The following ZNF326 variants were observed in gnomAD, a reference collection of about 807,000 sequenced individuals.
ZNF326 encodes the protein DBIRD complex subunit ZNF326.
Under a neutral mutation model 63.1 loss-of-function variants are expected in ZNF326, and 30 were observed. That is an observed-to-expected ratio of 0.48 (90% confidence interval 0.36 to 0.64). The LOEUF (loss-of-function observed/expected upper bound fraction) is 0.64. ZNF326 is among the 30% of genes least tolerant of loss of function. The pLI is 0.00. For missense variants in ZNF326, 609 were observed against 720.3 expected (o/e 0.85, Z 1.77); for synonymous variants, 194 against 228.2 (o/e 0.85, Z 1.35).
At chr1:90,020,028 A>G (rs1029609431) in intron 9 of ZNF326, among the ~76,000 whole-genome samples, 2 of 151,994 alleles carry the variant, frequency 1.3e-5, no homozygotes, top group Non-Finnish European at 2.9e-5. Context: ...CTGTTTCTTT[A>G]CCTCTCCTTT....
intron 11 of ZNF326, among the ~76,000 whole-genome samples, chr1:90,022,743 AGCAACAG>A (rs1241175538): frequency 6.6e-6 from 1 of 152,224 alleles, no homozygotes; most frequent in Non-Finnish European, 1.5e-5. Flanking sequence ...CCAGATGGAC[AGCAACAG>A]GCTTCTCCTA....
At chr1:90,006,133 A>G (rs1238087627) in intron 4 of ZNF326, 2 of 985,312 alleles carry the variant, frequency 2.0e-6, no homozygotes, top group African/African-American at 3.5e-5. Flanking sequence ...TTCTGCTTCC[A>G]GTGTACCACT....
At chr1:90,001,215 C>CA in intron 2 of ZNF326, among the ~76,000 whole-genome samples, 1 of 152,234 alleles carries the variant, frequency 6.6e-6, no homozygotes, top group Non-Finnish European at 1.5e-5. Context: ...CCAGGGGGTG[C>CA]AAAATCTCCC....
At chr1:90,024,986 T>G (rs1004629903) in intron 11 of ZNF326, among the ~76,000 whole-genome samples, 4 of 150,954 alleles carry the variant, frequency 2.6e-5, no homozygotes, top group African/African-American at 9.7e-5. Flanking sequence ...TCCTGTTTTT[T>G]TTTTTTTTTT....
intron 4 of ZNF326, chr1:90,005,638 A>G (rs1229012417): frequency 5.2e-6 from 5 of 962,220 alleles, no homozygotes; most frequent in Middle Eastern, 5.3e-4. Context: ...GTGGGGTGCT[A>G]TGTAAATTAG....
rs749491423 is a variant in ZNF326 at position 90,020,949 on chromosome 1, G to A, written c.1305+27G>A. 1.1e-4 allele frequency: 173 copies of A among 1,605,148 alleles called. 1 individual carries two copies. Among genetic ancestry groups the A allele is most frequent in the Middle Eastern group, 5.3e-4 (3 of 5,704 alleles). On this transcript the variant is annotated intron_variant, in intron 10 of 11. Coordinates refer to ENST00000340281, the MANE Select transcript of ZNF326 (RefSeq NM_182976.4). ...TAAAATTTTCATCTGTCTTAATAAA[G>A]TTGCCAGATTATCCATCAATCTTTT...
At position 90,034,868 on chromosome 1, in the gene ZNF326, G is replaced by GAAAAACAA. The variant is rs1650421600; in HGVS notation, c.*7167_*7168insAAAAACAA. ...AATGTAATTTGTTGAAACTGGTCAT[G>GAAAAACAA]TTGAAAAAACATGACCAATTAAATA... On this transcript the variant is annotated 3_prime_UTR_variant, in exon 12 of 12. Coordinates refer to ENST00000340281, the MANE Select transcript of ZNF326 (RefSeq NM_182976.4). 1.3e-5 allele frequency: 2 copies of GAAAAACAA among 152,092 alleles called. No homozygotes were observed. Among genetic ancestry groups the GAAAAACAA allele is most frequent in the African/African-American group, 4.8e-5 (2 of 41,422 alleles). 9.4% of individuals were successfully genotyped at this position (152,092 alleles called of 1,614,324 possible).
chr1:90,011,699 G>C (rs1649254997), intron 6 of ZNF326, among the ~76,000 whole-genome samples: 1 of 152,098 alleles, frequency 6.6e-6, no homozygotes, highest in Non-Finnish European at 1.5e-5. Flanking sequence ...ATGTAAAGCA[G>C]TGAAGCCACT....
Position 90,026,153 on chromosome 1 carries a change from C to T in ZNF326, c.1402-1201C>T, listed in dbSNP as rs141781172. Among the ~76,000 whole-genome samples the T allele has an allele frequency of 4.2e-3, 641 of 152,042 alleles. 4 individuals are homozygous for T. Among genetic ancestry groups the T allele is most frequent in the African/African-American group, 0.015 (611 of 41,466 alleles). On this transcript the variant is annotated intron_variant, in intron 11 of 11. Transcript: ENST00000340281. The stretch of plus-strand genomic sequence containing the variant: ...TAATATTTTGTATGTTTAGTGGAGT[C>T]GGGGTTTCACCGTGTTAGCCAGGAT...
rs373721575 is a variant in ZNF326, at chr1:90,010,079, A to C, written c.616-9A>C. ...TATGCTAATATTTATTGATTTCACA[A>C]ATTTACAGCATATGGGTGATTTTGG... On this transcript the variant is annotated splice_polypyrimidine_tract_variant and intron_variant, in intron 5 of 11. Transcript: ENST00000340281. 2 of 1,611,474 alleles carry C rather than the reference A, an allele frequency of 1.2e-6. No homozygotes were observed. The highest frequency in any genetic ancestry group is 2.7e-5 in the African/African-American group (2 of 74,858).
intron 10 of ZNF326, 88 bp from the exon 11 acceptor site, chr1:90,022,162 G>T: frequency 1.1e-6 from 1 of 918,132 alleles, no homozygotes; most frequent in Non-Finnish European, 1.7e-6. Context: ...TAAATCTAAG[G>T]GTTTGAGCAT....
rs1006164058 is a variant in ZNF326 at position 90,028,670 on chromosome 1, A to G, written c.*969A>G. ...TAAAAAATTCCTTTTTATGGCTTAT[A>G]TACCTACATATTTAAAAAGAGAACA... is the stretch of plus-strand genomic sequence containing the variant. On this transcript the variant is annotated 3_prime_UTR_variant, in exon 12 of 12. Coordinates refer to ENST00000340281, the MANE Select transcript of ZNF326 (RefSeq NM_182976.4). 3 of 152,298 alleles carry G rather than the reference A, an allele frequency of 2.0e-5. No individual in the cohort carries two copies. Among genetic ancestry groups the G allele is most frequent in the Non-Finnish European group, 2.9e-5 (2 of 68,028 alleles). The allele number at this position is 152,298 out of a possible 1,614,324, so 9.4% of individuals were successfully genotyped here. A position where few individuals can be genotyped will look rare whatever the true frequency, so the allele number is the denominator to read the frequency against.
chr1:90,017,513 T>G lies in ZNF326; in HGVS notation c.1074+49T>G, dbSNP rs1279339090. 6 of 1,511,748 alleles carry G rather than the reference T, an allele frequency of 4.0e-6. No individual in the cohort carries two copies. In the African/African-American group the frequency reaches 8.7e-5, roughly 22 times the overall value. 93.6% of individuals were successfully genotyped at this position (1,511,748 alleles called of 1,614,324 possible). A position where few individuals can be genotyped will look rare whatever the true frequency, so the allele number is the denominator to read the frequency against. ...GAAGCATTTTATTGATATGAATTTC[T>G]TATGATTTCATTTTTCACTCTCCCC... is the stretch of plus-strand genomic sequence containing the variant. On this transcript the variant is annotated intron_variant, in intron 8 of 11. Coordinates refer to ENST00000340281, the MANE Select transcript of ZNF326 (RefSeq NM_182976.4).
intron 6 of ZNF326, among the ~76,000 whole-genome samples, chr1:90,011,287 T>C (rs890436825): frequency 6.6e-6 from 1 of 152,176 alleles, no homozygotes; most frequent in Non-Finnish European, 1.5e-5. Flanking sequence ...TTTTCCTCAA[T>C]ACAAGGTCTT....
At chr1:90,002,570 T>G (rs561901683) in intron 2 of ZNF326, among the ~76,000 whole-genome samples, 1 of 152,316 alleles carries the variant, frequency 6.6e-6, no homozygotes, top group African/African-American at 2.4e-5. Context: ...ACTATATACT[T>G]ACCAACTGTA....
At position 90,034,961 on chromosome 1, in the gene ZNF326, C is replaced by T. The variant is rs1032494712; in HGVS notation, c.*7260C>T. 16 of 152,110 alleles carry T rather than the reference C, an allele frequency of 1.1e-4. No homozygotes were observed. Among genetic ancestry groups the T allele is most frequent in the African/African-American group, 3.6e-4 (15 of 41,424 alleles). The allele number at this position is 152,110 out of a possible 1,614,324, so 9.4% of individuals were successfully genotyped here. ...ACTGCAACATGACGATTATGTAACTCAATCCTTTAGGAAATTTATTACTTT... is the reference window on the plus strand; with the variant it reads ...ACTGCAACATGACGATTATGTAACTTAATCCTTTAGGAAATTTATTACTTT... On this transcript the variant is annotated 3_prime_UTR_variant, in exon 12 of 12. Coordinates refer to ENST00000340281, the MANE Select transcript of ZNF326 (RefSeq NM_182976.4).
chr1:89,995,303 G>C (rs1228530255), intron 1 of ZNF326, 30 bp downstream of exon 1: 4 of 1,541,332 alleles, frequency 2.6e-6, no homozygotes, highest in South Asian at 2.4e-5. Context: ...GGTCGGCGCA[G>C]CTGGCAGGAG....
At chr1:90,024,111 ATCT>A (rs1198451590) in intron 11 of ZNF326, among the ~76,000 whole-genome samples, 3 of 152,164 alleles carry the variant, frequency 2.0e-5, no homozygotes, top group East Asian at 1.9e-4. Context: ...TCCCCAGAAC[ATCT>A]TCTGCTCATG....
chr1:90,009,077 A>G (rs897208762), intron 5 of ZNF326, among the ~76,000 whole-genome samples: 7 of 152,166 alleles, frequency 4.6e-5, no homozygotes, highest in African/African-American at 1.4e-4. Flanking sequence ...TCCATGCTGT[A>G]TATTATTTTA....
Sources: gnomAD v4.1 joint callset for allele counts (sites outside exome capture counted in the v4.1 genomes callset) on GRCh38, gnomAD v4.1.1 for gene constraint, MANE v1.5 for transcripts, NCBI Gene and HGNC (gene_info 2026-07-23, HGNC 2026-07-21) for gene names.